Variants in LIPH observed in about 807,000 individuals in gnomAD.
LIPH encodes lipase H.
Under a neutral mutation model 47.6 loss-of-function variants are expected in LIPH, and 32 were observed. That is an observed-to-expected ratio of 0.67 (90% CI 0.51 to 0.90). The LOEUF is 0.90. LIPH is among the 40% of genes least tolerant of loss of function. LIPH has a pLI of 0.00. For missense variants in LIPH, 497 were observed against 541.4 expected, an observed-to-expected ratio of 0.92 and a Z score of 0.81; for synonymous variants, 190 against 195.6, an observed-to-expected ratio of 0.97 and a Z score of 0.24.
At chr3:185,541,976 C>T (rs904224178) in intron 1 of LIPH, among the ~76,000 whole-genome samples, 4 of 150,870 alleles carry the variant, frequency 2.7e-5, no homozygotes, top group East Asian at 4.0e-4. Context: ...AGGCTGGTCT[C>T]GAACTCCCGA....
intron 5 of LIPH, among the ~76,000 whole-genome samples, chr3:185,522,666 G>GAAAGA (rs1437768937): frequency 1.6e-3 from 49 of 29,748 alleles, no homozygotes; most frequent in African/African-American, 4.2e-3. Context: ...AAGAAAGAAA[G>GAAAGA]AAAGAAAGAA....
chr3:185,546,943 G>A, intron 1 of LIPH: 2 of 450,440 alleles, frequency 4.4e-6, no homozygotes, highest in Non-Finnish European at 8.9e-6. Flanking sequence ...TCAAAGAGAG[G>A]AGACTCCTCA....
At chr3:185,510,945 A>G (rs909872935) in intron 9 of LIPH, among the ~76,000 whole-genome samples, 1 of 152,268 alleles carries the variant, frequency 6.6e-6, no homozygotes, top group Non-Finnish European at 1.5e-5. Flanking sequence ...TTCTAAGCAT[A>G]TAACAACATT....
In LIPH at chr3:185,508,822, G is replaced by T; in HGVS notation, c.1324C>A (p.Gln442Lys). ...VLMENVETVFQPILCPELQL is the reference protein window; with the variant it reads ...VLMENVETVFKPILCPELQL ...TGCAACTCTGGGCAAAGAATAGGTT[G>T]GAAGACTGTTTCAACGTTTTCCATC... The change falls in exon 10 of 10, where the codon CAA (glutamine) becomes AAA (lysine). Residue 442 changes from glutamine (Q) to lysine (K), a missense_variant. Coordinates refer to ENST00000296252, the MANE Select transcript of LIPH (RefSeq NM_139248.3). The T allele has an allele frequency of 6.2e-7, 1 of 1,613,950 alleles. No homozygotes were observed. Among genetic ancestry groups the T allele is most frequent in the Non-Finnish European group, 8.5e-7 (1 of 1,179,836 alleles).
intron 7 of LIPH, 127 bp downstream of exon 7, chr3:185,516,940 C>A: frequency 1.3e-6 from 1 of 760,644 alleles, no homozygotes; most frequent in Non-Finnish European, 2.4e-6. Context: ...TCAACCGAGG[C>A]CCTTCCAGCT....
chr3:185,524,450 C>CTTT (rs563332434), intron 4 of LIPH, among the ~76,000 whole-genome samples: 2 of 138,190 alleles, frequency 1.4e-5, no homozygotes, highest in Admixed American at 7.3e-5. Flanking sequence ...CATTTCTTCT[C>CTTT]TTTTTTTTTT....
chr3:185,546,352 CAAAA>C (rs56984831), intron 1 of LIPH, among the ~76,000 whole-genome samples: 3 of 60,546 alleles, frequency 5.0e-5, no homozygotes, highest in Admixed American at 1.9e-4. Flanking sequence ...GACTCCGTCT[CAAAA>C]AAAAAAAAAA....
At chr3:185,528,148 C>G (rs1005250165) in intron 3 of LIPH, among the ~76,000 whole-genome samples, 3 of 151,078 alleles carry the variant, frequency 2.0e-5, no homozygotes, top group Non-Finnish European at 3.0e-5. Flanking sequence ...CGCTTGAACC[C>G]GGGAGGCAGA....
rs1342051301 is a variant in LIPH, at chr3:185,528,220, GAA to G, written c.527-637_527-636del. Among the ~76,000 whole-genome samples the G allele has an allele frequency of 5.3e-3, 419 of 78,346 alleles. 1 individual carries two copies. The highest frequency in any genetic ancestry group is 0.013 in the African/African-American group (390 of 28,950). The allele number at this position is 78,346 out of a possible 152,430, so 51.4% of individuals were successfully genotyped here. A position where few individuals can be genotyped will look rare whatever the true frequency, so the allele number is the denominator to read the frequency against. On this transcript the variant is annotated intron_variant, in intron 3 of 9. Transcript: ENST00000296252. ...AGAGCAAGGCTCTGTCTCGAAGAAA[GAA>G]AGAGAGAGAGAGAGAGAGAGAGAGA...
At chr3:185,534,469 C>T (rs1211090124) in intron 2 of LIPH, among the ~76,000 whole-genome samples, 3 of 152,098 alleles carry the variant, frequency 2.0e-5, no homozygotes, top group East Asian at 3.8e-4. Flanking sequence ...ATGCCCCTTC[C>T]TCAAGACACT....
chr3:185,539,065 G>A (rs1478381516), intron 1 of LIPH, among the ~76,000 whole-genome samples: 2 of 151,452 alleles, frequency 1.3e-5, no homozygotes, highest in East Asian at 3.9e-4. Flanking sequence ...TCACCTCCCA[G>A]GTTCAAGTGA....
At chr3:185,510,214 G>C (rs1719519007) in intron 9 of LIPH, among the ~76,000 whole-genome samples, 1 of 152,106 alleles carries the variant, frequency 6.6e-6, no homozygotes, top group African/African-American at 2.4e-5. Context: ...CTCCCAAGGT[G>C]CTGGGATTAC....
intron 6 of LIPH, among the ~76,000 whole-genome samples, chr3:185,518,238 A>G (rs2148949637): frequency 6.6e-6 from 1 of 152,266 alleles, no homozygotes; most frequent in Non-Finnish European, 1.5e-5. Context: ...TCTGGATGGA[A>G]TACTCTACAG....
intron 1 of LIPH, among the ~76,000 whole-genome samples, chr3:185,548,902 G>C (rs1214557147): frequency 6.6e-6 from 1 of 152,038 alleles, no homozygotes; most frequent in South Asian, 2.1e-4. Flanking sequence ...GGGAGGCCGA[G>C]GCAGGGGGAT....
At chr3:185,550,956 G>T (rs1031107528) in intron 1 of LIPH, among the ~76,000 whole-genome samples, 1 of 152,096 alleles carries the variant, frequency 6.6e-6, no homozygotes, top group African/African-American at 2.4e-5. Context: ...AGGCCAAGGC[G>T]GGTGGATCAC....
chr3:185,525,170 C>T (rs187350876), intron 4 of LIPH, among the ~76,000 whole-genome samples: 125 of 151,904 alleles, frequency 8.2e-4, no homozygotes, highest in Non-Finnish European at 8.8e-4. Flanking sequence ...GCCAAAAGCG[C>T]GACTGCATTC....
At chr3:185,541,394 C>CTTTTTTTTTTT (rs11349854) in intron 1 of LIPH, among the ~76,000 whole-genome samples, 2 of 130,814 alleles carry the variant, frequency 1.5e-5, no homozygotes, top group African/African-American at 2.8e-5. Context: ...ATCTTTCTTT[C>CTTTTTTTTTTT]TTTTTTTTTT....
intron 1 of LIPH, among the ~76,000 whole-genome samples, chr3:185,547,902 A>G (rs1194618862): frequency 6.6e-6 from 1 of 151,942 alleles, no homozygotes; most frequent in Non-Finnish European, 1.5e-5. Context: ...TACATTTTCA[A>G]GTATTCTGCA....
At chr3:185,538,143 T>C (rs1030060960) in intron 1 of LIPH, among the ~76,000 whole-genome samples, 1 of 152,190 alleles carries the variant, frequency 6.6e-6, no homozygotes, top group African/African-American at 2.4e-5. Flanking sequence ...ATTTTTGTAA[T>C]GGTACTGTCC....
Sources: gnomAD v4.1 joint callset for allele counts (sites outside exome capture counted in the v4.1 genomes callset) on GRCh38, gnomAD v4.1.1 for gene constraint, MANE v1.5 for transcripts, NCBI Gene and HGNC (gene_info 2026-07-23, HGNC 2026-07-21) for gene names.